The following RIT2 variants were observed in gnomAD, a reference collection of about 807,000 sequenced individuals.
RIT2 encodes the protein GTP-binding protein Rit2.
A neutral mutation model predicts 23.7 loss-of-function variants in RIT2; 24 were observed. That is an observed-to-expected ratio of 1.01 (90% confidence interval 0.73 to 1.43). RIT2 has a LOEUF of 1.43. Ranked by LOEUF, RIT2 falls within the 40% of genes most tolerant of loss-of-function variation. The probability of loss-of-function intolerance (pLI) is 0.00; values close to 1 mark genes in which losing one functional copy is unlikely to be tolerated. For missense variants in RIT2, 236 were observed against 266.9 expected (o/e 0.88, Z 0.81); for synonymous variants, 107 against 91.1 (o/e 1.17, Z -0.99).
At chr18:43,035,637 G>C (rs543025811) in intron 1 of RIT2, among the ~76,000 whole-genome samples, 90 of 152,232 alleles carry the variant, frequency 5.9e-4, no homozygotes, top group Non-Finnish European at 7.8e-4. Context: ...CTCAATACCT[G>C]ATCAAATTCT....
chr18:43,037,332 A>C (rs1459398724), intron 1 of RIT2, among the ~76,000 whole-genome samples: 1 of 152,142 alleles, frequency 6.6e-6, no homozygotes, highest in Non-Finnish European at 1.5e-5. Context: ...ATTATTTAAA[A>C]GTTTCCCTTA....
chr18:42,886,526 T>C (rs1268283538), intron 4 of RIT2, among the ~76,000 whole-genome samples: 1 of 152,218 alleles, frequency 6.6e-6, no homozygotes, highest in Admixed American at 6.5e-5. Context: ...GTCAAGTAGG[T>C]CTGCCAGACC....
intron 1 of RIT2, among the ~76,000 whole-genome samples, chr18:43,102,229 A>C (rs996845672): frequency 2.0e-5 from 3 of 152,210 alleles, no homozygotes; most frequent in African/African-American, 7.2e-5. Context: ...ATGTGGAAAC[A>C]TGTGGCTAAT....
chr18:43,074,317 A>G (rs1047894162), intron 1 of RIT2, among the ~76,000 whole-genome samples: 1 of 152,194 alleles, frequency 6.6e-6, no homozygotes, highest in African/African-American at 2.4e-5. Context: ...GTTTGTAGGC[A>G]TTCATTTGTG....
intron 2 of RIT2, 79 bp from the exon 3 acceptor site, chr18:42,974,226 T>C: frequency 1.1e-6 from 1 of 915,372 alleles, no homozygotes; most frequent in Non-Finnish European, 1.7e-6. Context: ...TATAGAAGAA[T>C]TTCTAAGTAA....
chr18:42,786,208 AC>A (rs76139117), intron 4 of RIT2, among the ~76,000 whole-genome samples: 6,334 of 152,136 alleles, frequency 0.042, 531 homozygotes, highest in East Asian at 0.33. Flanking sequence ...CCAAGTTAAG[AC>A]TTTTGGTCTG....
chr18:42,751,593 AT>A (rs1913047276), intron 4 of RIT2, among the ~76,000 whole-genome samples: 1 of 151,972 alleles, frequency 6.6e-6, no homozygotes, highest in Admixed American at 6.6e-5. Flanking sequence ...TGAATATTTT[AT>A]TTTTTGTAGC....
At chr18:42,790,405 G>T (rs11872156) in intron 4 of RIT2, among the ~76,000 whole-genome samples, 2,377 of 152,250 alleles carry the variant, frequency 0.016, 67 homozygotes, top group African/African-American at 0.054. Context: ...CATTGGATGA[G>T]AAGACCTACT....
intron 4 of RIT2, among the ~76,000 whole-genome samples, chr18:42,906,142 T>G (rs1019575290): frequency 2.0e-5 from 3 of 151,518 alleles, no homozygotes; most frequent in African/African-American, 7.3e-5. Flanking sequence ...ATACCAATTT[T>G]AAATAGGCAG....
At chr18:43,070,045 A>C (rs1160019198) in intron 1 of RIT2, among the ~76,000 whole-genome samples, 1 of 152,206 alleles carries the variant, frequency 6.6e-6, no homozygotes, top group African/African-American at 2.4e-5. Context: ...TCACACTGAG[A>C]AATGCACAAG....
chr18:43,072,174 CG>C (rs917382621), intron 1 of RIT2, among the ~76,000 whole-genome samples: 49 of 151,798 alleles, frequency 3.2e-4, no homozygotes, highest in African/African-American at 1.2e-3. Flanking sequence ...TTAGTAGAGA[CG>C]GGGTTTTACC....
In RIT2 at chr18:42,908,640, A is replaced by G. The variant is rs550729401; in HGVS notation, c.426+14932T>C. 6.6e-5 allele frequency among the ~76,000 whole-genome samples: 10 copies of G among 152,282 alleles called. No individual in the cohort carries two copies. The South Asian group carries it at 1.9e-3, about 28-fold the overall frequency. ...CAGAGGAAGTGATATCAGTTTTATC[A>G]AGTGCTGAAAGAGCGGTCAATCCCA... On this transcript the variant is annotated intron_variant, in intron 4 of 4. Coordinates refer to ENST00000326695, the MANE Select transcript of RIT2 (RefSeq NM_002930.4).
chr18:42,901,629 T>TA (rs1232235371), intron 4 of RIT2, among the ~76,000 whole-genome samples: 1 of 152,076 alleles, frequency 6.6e-6, no homozygotes, highest in African/African-American at 2.4e-5. Context: ...TGTCACCATT[T>TA]AAAAAATCTG....
chr18:42,972,783 TA>T, intron 3 of RIT2, among the ~76,000 whole-genome samples: 1 of 151,898 alleles, frequency 6.6e-6, no homozygotes, highest in African/African-American at 2.4e-5. Flanking sequence ...CCAAAATCAA[TA>T]AAAAATTATA....
intron 1 of RIT2, among the ~76,000 whole-genome samples, chr18:43,091,319 G>A (rs570557671): frequency 1.2e-4 from 19 of 152,086 alleles, no homozygotes; most frequent in Admixed American, 9.2e-4. Context: ...ACAACAAATG[G>A]CAATCTTAAG....
intron 1 of RIT2, among the ~76,000 whole-genome samples, chr18:43,100,469 AC>A (rs1913657587): frequency 6.6e-6 from 1 of 152,186 alleles, no homozygotes; most frequent in Non-Finnish European, 1.5e-5. Context: ...AGTTTAAAGC[AC>A]AGTAATGACA....
At chr18:43,115,286 C>A (rs1914041846) in intron 1 of RIT2, 131 bp downstream of exon 1, 7 of 1,151,032 alleles carry the variant, frequency 6.1e-6, no homozygotes, top group Non-Finnish European at 8.7e-6. Context: ...GAGCATCCTG[C>A]CAGACCCATA....
At chr18:42,895,467 A>AT (rs1908303015) in intron 4 of RIT2, among the ~76,000 whole-genome samples, 1 of 152,152 alleles carries the variant, frequency 6.6e-6, no homozygotes, top group Admixed American at 6.6e-5. Context: ...ACATATTATT[A>AT]TTTTTACTTC....
At chr18:42,893,236 A>C (rs903978585) in intron 4 of RIT2, among the ~76,000 whole-genome samples, 1 of 152,124 alleles carries the variant, frequency 6.6e-6, no homozygotes, top group Admixed American at 6.5e-5. Flanking sequence ...AAAAAAAAAA[A>C]AAAAAAAAGC....
Sources: gnomAD v4.1 joint callset for allele counts (sites outside exome capture counted in the v4.1 genomes callset) on GRCh38, gnomAD v4.1.1 for gene constraint, MANE v1.5 for transcripts, NCBI Gene and HGNC (gene_info 2026-07-23, HGNC 2026-07-21) for gene names.